FAIM: variants seen among roughly 807,000 people sequenced by gnomAD.
FAIM encodes the protein fas apoptotic inhibitory molecule 1.
A neutral mutation model predicts 21.2 loss-of-function variants in FAIM; 14 were observed. The ratio of observed to expected loss-of-function variants is 0.66; its 90% confidence interval spans 0.44 to 1.03. FAIM has a LOEUF of 1.03. Ranked by LOEUF, FAIM falls within the 50% of genes least tolerant of loss-of-function variation. FAIM has a pLI of 0.00. For synonymous variants in FAIM, 86 were observed against 80.4 expected, an observed-to-expected ratio of 1.07 and a Z score of -0.37; for missense variants, 222 against 247.1, an observed-to-expected ratio of 0.90 and a Z score of 0.68.
chr3:138,621,561 T>C (rs2042885730), intron 3 of FAIM, 22 bp downstream of exon 3: 11 of 1,601,874 alleles, frequency 6.9e-6, no homozygotes, highest in Non-Finnish European at 9.4e-6. Flanking sequence ...ATATGTTACT[T>C]TGTAAAATAT....
At chr3:138,613,009 GCCT>G (rs2042786770) in intron 1 of FAIM, among the ~76,000 whole-genome samples, 5 of 113,294 alleles carry the variant, frequency 4.4e-5, no homozygotes, top group Admixed American at 1.1e-4. Flanking sequence ...GAAGTCCTTT[GCCT>G]TTTTTTTTTT....
At position 138,632,882 on chromosome 3, in the gene FAIM, A is replaced by T; in HGVS notation, c.457-48A>T. On this transcript the variant is annotated intron_variant, in intron 5 of 5. Transcript: ENST00000360570. ...TAGATGGTGTGAATGCTCTAGACAGAGATAAAAGTTTCTGCACCACTAATT... is the reference window on the plus strand; with the variant it reads ...TAGATGGTGTGAATGCTCTAGACAGTGATAAAAGTTTCTGCACCACTAATT... 4 of 1,589,576 alleles carry T rather than the reference A, an allele frequency of 2.5e-6. No homozygotes were observed. The Middle Eastern group carries it at 5.1e-4, about 201-fold the overall frequency.
intron 4 of FAIM, among the ~76,000 whole-genome samples, 167 bp downstream of exon 4, chr3:138,622,583 CT>C (rs556657961): frequency 7.0e-4 from 106 of 151,826 alleles, no homozygotes; most frequent in African/African-American, 2.5e-3. Flanking sequence ...TGTTTCCTAT[CT>C]GCTTGGGATT....
chr3:138,625,966 A>G (rs1560498720), intron 4 of FAIM, among the ~76,000 whole-genome samples: 1 of 152,210 alleles, frequency 6.6e-6, no homozygotes, highest in Non-Finnish European at 1.5e-5. Context: ...TAGTCTCCAC[A>G]CCACTGAATA....
At chr3:138,615,520 G>A (rs567929544) in intron 1 of FAIM, among the ~76,000 whole-genome samples, 2 of 152,322 alleles carry the variant, frequency 1.3e-5, no homozygotes, top group East Asian at 1.9e-4. Flanking sequence ...CTTAAAGTCT[G>A]TTTTAAGTAA....
At chr3:138,626,857 G>C (rs2042944349) in intron 4 of FAIM, among the ~76,000 whole-genome samples, 1 of 152,192 alleles carries the variant, frequency 6.6e-6, no homozygotes, top group Non-Finnish European at 1.5e-5. Context: ...AGAACATGTA[G>C]CCAAACTTTT....
At position 138,612,392 on chromosome 3, in the gene FAIM, C is replaced by T. The variant is rs1031508928; in HGVS notation, c.-17+3455C>T. 5.3e-5 allele frequency among the ~76,000 whole-genome samples: 8 copies of T among 151,872 alleles called. 1 individual carries two copies. The East Asian group carries it at 1.5e-3, about 29-fold the overall frequency. Reference sequence around the variant, plus strand: ...CTGGGATTACAGGCGTGAGTCACCGCGCCCGGCCTTGTCTGGCTATTTCAC... The same window carrying T: ...CTGGGATTACAGGCGTGAGTCACCGTGCCCGGCCTTGTCTGGCTATTTCAC... On this transcript the variant is annotated intron_variant, in intron 1 of 5. Coordinates refer to ENST00000360570, the MANE Select transcript of FAIM (RefSeq NM_001033031.2).
chr3:138,621,712 G>A (rs139110001), intron 3 of FAIM, among the ~76,000 whole-genome samples, 173 bp downstream of exon 3: 163 of 152,168 alleles, frequency 1.1e-3, no homozygotes, highest in African/African-American at 3.5e-3. Flanking sequence ...GGAATATAGC[G>A]TGTAATATTT....
chr3:138,631,733 G>A (rs546630193), intron 5 of FAIM, among the ~76,000 whole-genome samples: 45 of 152,228 alleles, frequency 3.0e-4, no homozygotes, highest in African/African-American at 9.6e-4. Flanking sequence ...AAGAAGCTAC[G>A]TATATAGATT....
intron 3 of FAIM, 70 bp downstream of exon 3, chr3:138,621,609 T>G: frequency 7.0e-7 from 1 of 1,428,342 alleles, no homozygotes; most frequent in Non-Finnish European, 9.6e-7. Context: ...AAGTAGCATC[T>G]TCATATGTGA....
At chr3:138,611,273 T>C (rs1174289738) in intron 1 of FAIM, among the ~76,000 whole-genome samples, 1 of 151,486 alleles carries the variant, frequency 6.6e-6, no homozygotes, top group Non-Finnish European at 1.5e-5. Context: ...TTTTTTTTTC[T>C]TTTTTTGTTT....
At chr3:138,621,633 T>C in intron 3 of FAIM, 94 bp downstream of exon 3, 3 of 1,160,682 alleles carry the variant, frequency 2.6e-6, no homozygotes, top group Non-Finnish European at 3.6e-6. Flanking sequence ...CAGGGCTTTT[T>C]TTTCTTGTAG....
In FAIM at chr3:138,622,297, C is replaced by T; in HGVS notation, c.287C>T (p.Ala96Val). The T allele has an allele frequency of 6.2e-7, 1 of 1,613,886 alleles. No individual in the cohort carries two copies. The highest frequency in any genetic ancestry group is 8.5e-7 in the Non-Finnish European group (1 of 1,179,942). ...TINIDAISGF[A>V]YEYTLEINGK... ...AATATAGACGCTATCAGTGGTTTTG[C>T]TTATGAATATACTCTGGAAATTAAT... The change falls in exon 4 of 6, where the codon GCT (alanine) becomes GTT (valine). Residue 96 changes from alanine to valine, a missense_variant. Transcript: ENST00000360570.
chr3:138,613,936 A>G (rs2042799035), intron 1 of FAIM, among the ~76,000 whole-genome samples: 1 of 152,176 alleles, frequency 6.6e-6, no homozygotes, highest in Admixed American at 6.5e-5. Context: ...TAGCTCTTAC[A>G]TTTAGATCAT....
intron 4 of FAIM, among the ~76,000 whole-genome samples, chr3:138,628,633 C>A (rs917778169): frequency 5.9e-5 from 9 of 152,050 alleles, no homozygotes; most frequent in East Asian, 1.9e-4. Context: ...TACAGGCACC[C>A]ACCACCATGC....
At chr3:138,616,107 G>T (rs1025387261) in intron 1 of FAIM, among the ~76,000 whole-genome samples, 25 of 152,306 alleles carry the variant, frequency 1.6e-4, no homozygotes, top group African/African-American at 5.8e-4. Context: ...CACTTGGAGG[G>T]ATATGTGTTA....
chr3:138,632,864 T>C, intron 5 of FAIM, 66 bp from the exon 6 acceptor site: 1 of 1,488,112 alleles, frequency 6.7e-7, no homozygotes, highest in Non-Finnish European at 9.1e-7. Flanking sequence ...TTTTAGATGG[T>C]GTGAATGCTC....
chr3:138,610,653 G>C, intron 1 of FAIM: 1 of 233,630 alleles, frequency 4.3e-6, no homozygotes, highest in Non-Finnish European at 8.4e-6. Flanking sequence ...CATGATCTCG[G>C]CTCACTGCAA....
chr3:138,609,578 A>ACTCTCTCTCTCTCGACTCTCT (rs1560490995), intron 1 of FAIM, among the ~76,000 whole-genome samples: 5 of 4,694 alleles, frequency 1.1e-3, no homozygotes, highest in Non-Finnish European at 1.7e-3. Context: ...CTCTCTCTCG[A>ACTCTCTCTCTCTCGACTCTCT]CTCTCTCTCT....
Sources: allele counts gnomAD v4.1 joint callset (sites outside exome capture counted in the v4.1 genomes callset), GRCh38; gene constraint gnomAD v4.1.1; transcripts MANE v1.5; gene names NCBI Gene and HGNC (gene_info 2026-07-23, HGNC 2026-07-21).